DROSHA: variants seen among roughly 807,000 people sequenced by gnomAD.
DROSHA encodes the protein ribonuclease 3.
In DROSHA, 56 loss-of-function variants were observed where a neutral mutation model predicts 181.9. The observed-to-expected ratio is 0.31, with a 90% CI of 0.25 to 0.38. The LOEUF is 0.38. Among genes scored for constraint, DROSHA ranks in the 10% least tolerant of loss-of-function variants. The pLI is 1.00. For synonymous variants in DROSHA, 524 were observed against 591.2 expected, an observed-to-expected ratio of 0.89 and a Z score of 1.65; for missense variants, 1,218 against 1,743.5, an observed-to-expected ratio of 0.70 and a Z score of 5.37.
intron 28 of DROSHA, among the ~76,000 whole-genome samples, chr5:31,423,961 T>G (rs758341612): frequency 5.3e-5 from 8 of 152,236 alleles, no homozygotes; most frequent in Non-Finnish European, 8.8e-5. Context: ...TTTTATACAC[T>G]CTGAATTGAA....
At chr5:31,407,678 A>C (rs1295232901) in intron 33 of DROSHA, among the ~76,000 whole-genome samples, 3 of 152,226 alleles carry the variant, frequency 2.0e-5, no homozygotes, top group Non-Finnish European at 4.4e-5. Context: ...TCTTGATAAA[A>C]TGAGCAAACT....
intron 33 of DROSHA, among the ~76,000 whole-genome samples, chr5:31,407,829 A>T (rs776893018): frequency 1.3e-5 from 2 of 152,188 alleles, no homozygotes; most frequent in Non-Finnish European, 1.5e-5. Context: ...TGCTATGGAA[A>T]GTTTAGCATC....
chr5:31,483,427 A>C, intron 16 of DROSHA, 127 bp downstream of exon 16: 1 of 878,586 alleles, frequency 1.1e-6, no homozygotes. Flanking sequence ...TTCCGTGCCT[A>C]ACCTGAGAAG....
intron 21 of DROSHA, among the ~76,000 whole-genome samples, chr5:31,449,659 C>T (rs1022783941): frequency 6.6e-6 from 1 of 151,618 alleles, no homozygotes; most frequent in Admixed American, 6.6e-5. Flanking sequence ...CCCAGGAGGT[C>T]GAGGCTGCAG....
At chr5:31,454,943 A>C (rs941043803) in intron 20 of DROSHA, among the ~76,000 whole-genome samples, 1 of 147,086 alleles carries the variant, frequency 6.8e-6, no homozygotes, top group Non-Finnish European at 1.5e-5. Flanking sequence ...CTGTCTCAAA[A>C]AAAAAAAAAA....
chr5:31,528,897 T>C, intron 4 of DROSHA, 143 bp downstream of exon 4: 2 of 1,140,458 alleles, frequency 1.8e-6, no homozygotes, highest in Non-Finnish European at 2.5e-6. Flanking sequence ...CCCTCTATTG[T>C]ATTGTGCCCA....
rs1460228383 is a variant in DROSHA at position 31,470,633 on chromosome 5, T to TA, written c.2241+1429dup. 6.6e-6 allele frequency among the ~76,000 whole-genome samples: 1 copy of TA among 152,190 alleles called. No homozygotes were observed. Among genetic ancestry groups the TA allele is most frequent in the Non-Finnish European group, 1.5e-5 (1 of 68,046 alleles). ...AATCAAACGTTTGAGGATTTTTTTT[T>TA]AACTACAGAAAACTGGGCCTCACTG... On this transcript the variant is annotated intron_variant, in intron 17 of 35. Transcript: ENST00000344624. The surrounding 1 kb of genome is among the most constrained non-coding windows in gnomAD (Gnocchi z 4.0).
At chr5:31,458,131 T>C (rs949075635) in intron 20 of DROSHA, among the ~76,000 whole-genome samples, 1 of 152,230 alleles carries the variant, frequency 6.6e-6, no homozygotes, top group Non-Finnish European at 1.5e-5. Flanking sequence ...ATTAATTCAG[T>C]ATGCTTCTTG....
chr5:31,512,190 A>G (rs1352113570), intron 8 of DROSHA, among the ~76,000 whole-genome samples: 1 of 152,252 alleles, frequency 6.6e-6, no homozygotes, highest in East Asian at 1.9e-4. Flanking sequence ...TCTGGTACCC[A>G]GAAGAGGGGA....
chr5:31,482,157 T>C (rs2150035442), intron 16 of DROSHA, among the ~76,000 whole-genome samples: 1 of 152,094 alleles, frequency 6.6e-6, no homozygotes, highest in East Asian at 1.9e-4. Flanking sequence ...TGATATTGGG[T>C]GGAAAGGTTA....
At chr5:31,483,058 A>G (rs1751215963) in intron 16 of DROSHA, among the ~76,000 whole-genome samples, 1 of 152,134 alleles carries the variant, frequency 6.6e-6, no homozygotes, top group East Asian at 1.9e-4. Context: ...AAACTGTCAT[A>G]TATTTCCCTA....
intron 9 of DROSHA, among the ~76,000 whole-genome samples, chr5:31,509,253 A>AG (rs1234934221): frequency 6.6e-6 from 1 of 152,298 alleles, no homozygotes; most frequent in East Asian, 1.9e-4. Flanking sequence ...ACCATAAAAA[A>AG]AAAATATAGC....
intron 16 of DROSHA, among the ~76,000 whole-genome samples, chr5:31,481,791 G>T (rs1751061575): frequency 6.6e-6 from 1 of 152,196 alleles, no homozygotes; most frequent in African/African-American, 2.4e-5. Flanking sequence ...AGAAACTAAA[G>T]CCACACAAGA....
At chr5:31,405,012 CAG>C (rs1263217380) in intron 35 of DROSHA, among the ~76,000 whole-genome samples, 1 of 152,122 alleles carries the variant, frequency 6.6e-6, no homozygotes, top group African/African-American at 2.4e-5. Flanking sequence ...AAACAAAAAA[CAG>C]AAAACCTTCA....
intron 26 of DROSHA, among the ~76,000 whole-genome samples, chr5:31,430,495 A>G (rs1744044987): frequency 1.3e-5 from 2 of 152,154 alleles, no homozygotes; most frequent in South Asian, 2.1e-4. Flanking sequence ...CATTATGACA[A>G]CTCTGCAAGG....
chr5:31,440,576 T>C (rs1745455814), intron 23 of DROSHA, among the ~76,000 whole-genome samples: 1 of 152,194 alleles, frequency 6.6e-6, no homozygotes, highest in Non-Finnish European at 1.5e-5. Flanking sequence ...GAATAAGTGA[T>C]TCTGAACCCT....
At chr5:31,483,662 A>G (rs1751335730) in intron 15 of DROSHA, 34 bp from the exon 16 acceptor site, 5 of 1,285,954 alleles carry the variant, frequency 3.9e-6, no homozygotes, top group East Asian at 2.4e-5. Flanking sequence ...AAAAAAAAAA[A>G]GAAAACTCAG....
chr5:31,401,909 T>G (rs1400374349), intron 35 of DROSHA, among the ~76,000 whole-genome samples: 2 of 152,158 alleles, frequency 1.3e-5, no homozygotes, highest in African/African-American at 4.8e-5. Context: ...ACAGGTGACT[T>G]TCTGGGAGAG....
At chr5:31,497,782 T>A (rs1753164157) in intron 11 of DROSHA, among the ~76,000 whole-genome samples, 1 of 152,220 alleles carries the variant, frequency 6.6e-6, no homozygotes. Context: ...GTGGACCTAA[T>A]TAACCAGCTC....
Sources: allele counts gnomAD v4.1 joint callset (sites outside exome capture counted in the v4.1 genomes callset), GRCh38; gene constraint gnomAD v4.1.1; non-coding constraint Gnocchi (gnomAD v3.1); transcripts MANE v1.5; gene names NCBI Gene and HGNC (gene_info 2026-07-23, HGNC 2026-07-21).